The following DLG2 variants were observed in gnomAD, a reference collection of about 807,000 sequenced individuals.
DLG2 encodes disks large homolog 2.
DLG2 carries 45 observed loss-of-function variants against 132.5 expected under a neutral mutation model. The observed-to-expected ratio is 0.34, with a 90% CI of 0.27 to 0.44. DLG2 has a LOEUF of 0.44. Ranked by LOEUF, DLG2 falls within the 20% of genes least tolerant of loss-of-function variation. The pLI, the probability that DLG2 is intolerant of heterozygous loss-of-function variation, is 1.00. For synonymous variants in DLG2, 424 were observed against 419.6 expected, an observed-to-expected ratio of 1.01 and a Z score of -0.13; for missense variants, 1,045 against 1,196.9, an observed-to-expected ratio of 0.87 and a Z score of 1.87.
intron 3 of DLG2, among the ~76,000 whole-genome samples, chr11:85,504,322 C>T (rs2093877008): frequency 6.6e-6 from 1 of 151,994 alleles, no homozygotes; most frequent in African/African-American, 2.4e-5. Flanking sequence ...CCTAGGTTTT[C>T]TTCTAGGGTT....
chr11:83,834,489 C>T (rs1450036871), intron 16 of DLG2, among the ~76,000 whole-genome samples: 1 of 152,016 alleles, frequency 6.6e-6, no homozygotes, highest in Non-Finnish European at 1.5e-5. Flanking sequence ...ATGACTCAGA[C>T]ATTGGAAAAA....
chr11:85,529,759 A>G (rs976536893), intron 3 of DLG2, among the ~76,000 whole-genome samples: 1 of 152,054 alleles, frequency 6.6e-6, no homozygotes, highest in Non-Finnish European at 1.5e-5. Flanking sequence ...CTTTCCTCAA[A>G]CACTTTAGGT....
chr11:83,576,254 G>C (rs2096871999), intron 19 of DLG2, among the ~76,000 whole-genome samples: 1 of 152,072 alleles, frequency 6.6e-6, no homozygotes, highest in Non-Finnish European at 1.5e-5. Context: ...TCTAAAGAAT[G>C]ACAAGAGTAT....
chr11:85,163,386 T>C (rs1007940089), intron 4 of DLG2, among the ~76,000 whole-genome samples: 10 of 152,132 alleles, frequency 6.6e-5, no homozygotes, highest in African/African-American at 2.4e-4. Flanking sequence ...AGAACTCTAA[T>C]TGGCCAGAGA....
chr11:84,443,017 C>T (rs1035912715), intron 7 of DLG2, among the ~76,000 whole-genome samples: 5 of 151,960 alleles, frequency 3.3e-5, no homozygotes, highest in South Asian at 4.2e-4. Context: ...ATTTCTGCAC[C>T]GAAGAAATAC....
chr11:85,222,536 A>AATTCAGAGGG (rs2074714948), intron 4 of DLG2, among the ~76,000 whole-genome samples: 1 of 152,172 alleles, frequency 6.6e-6, no homozygotes, highest in Non-Finnish European at 1.5e-5. Context: ...CCCTCATTGG[A>AATTCAGAGGG]AATTCAGAAC....
intron 6 of DLG2, among the ~76,000 whole-genome samples, chr11:84,671,870 T>C (rs989918733): frequency 2.0e-5 from 3 of 152,102 alleles, no homozygotes; most frequent in African/African-American, 7.2e-5. Context: ...CGAGATTTTT[T>C]GGTTTTGAGG....
intron 7 of DLG2, among the ~76,000 whole-genome samples, chr11:84,426,996 CTAGT>C (rs1247361108): frequency 6.6e-6 from 1 of 152,068 alleles, no homozygotes; most frequent in Non-Finnish European, 1.5e-5. Flanking sequence ...ACAATTCCAA[CTAGT>C]TAAAGAAAGA....
chr11:83,596,601 C>T (rs763437839), intron 19 of DLG2, among the ~76,000 whole-genome samples: 9 of 152,190 alleles, frequency 5.9e-5, no homozygotes, highest in Non-Finnish European at 1.3e-4. Context: ...ATGTCTACAT[C>T]ACTCCTCTGC....
At chr11:85,513,552 G>A (rs918377900) in intron 3 of DLG2, among the ~76,000 whole-genome samples, 2 of 151,776 alleles carry the variant, frequency 1.3e-5, no homozygotes, top group African/African-American at 2.4e-5. Context: ...TTTATGTAAC[G>A]GTAGTATCTT....
At chr11:83,987,899 C>A (rs2154180173) in intron 11 of DLG2, among the ~76,000 whole-genome samples, 1 of 152,100 alleles carries the variant, frequency 6.6e-6, no homozygotes, top group Middle Eastern at 3.4e-3. Flanking sequence ...GATGTTGAGC[C>A]TTTTTTCATA....
At chr11:85,486,096 CA>C (rs1231429979) in intron 3 of DLG2, among the ~76,000 whole-genome samples, 1 of 152,184 alleles carries the variant, frequency 6.6e-6, no homozygotes, top group Non-Finnish European at 1.5e-5. Context: ...GGTAGGCCCA[CA>C]GCTGACATTT....
chr11:85,476,312 A>G (rs2093139889), intron 3 of DLG2, among the ~76,000 whole-genome samples: 1 of 151,584 alleles, frequency 6.6e-6, no homozygotes, highest in African/African-American at 2.4e-5. Context: ...TCAAGTCTGG[A>G]AGTTGCTCTG....
chr11:85,397,560 C>T (rs2087534417), intron 3 of DLG2, among the ~76,000 whole-genome samples: 1 of 151,842 alleles, frequency 6.6e-6, no homozygotes, highest in Non-Finnish European at 1.5e-5. Context: ...CAAAAATAGG[C>T]TCAAAATAAA....
chr11:84,411,437 G>A (rs2098902603), intron 7 of DLG2, among the ~76,000 whole-genome samples: 1 of 152,166 alleles, frequency 6.6e-6, no homozygotes, highest in Non-Finnish European at 1.5e-5. Context: ...CAACATTTAT[G>A]ACAAGTAAAA....
chr11:85,178,300 T>C (rs944452881), intron 4 of DLG2, among the ~76,000 whole-genome samples: 5 of 152,054 alleles, frequency 3.3e-5, no homozygotes, highest in Non-Finnish European at 7.4e-5. Flanking sequence ...CAAAAAAGTA[T>C]GCATGTGTTT....
chr11:85,511,548 C>G (rs1565613102), intron 3 of DLG2, among the ~76,000 whole-genome samples: 1 of 151,736 alleles, frequency 6.6e-6, no homozygotes, highest in Non-Finnish European at 1.5e-5. Flanking sequence ...CTGAACATCC[C>G]ATTACTGCAA....
chr11:84,938,560 T>C (rs969783600), intron 6 of DLG2, among the ~76,000 whole-genome samples: 2 of 152,222 alleles, frequency 1.3e-5, no homozygotes, highest in African/African-American at 4.8e-5. Flanking sequence ...GAAATGTTTC[T>C]TTCTTGTAAA....
chr11:85,176,711 CATCT>C (rs1470782181), intron 4 of DLG2, among the ~76,000 whole-genome samples: 1 of 152,070 alleles, frequency 6.6e-6, no homozygotes. Flanking sequence ...GCAAACTATC[CATCT>C]GACGAAGGTC....
Sources: gnomAD v4.1 joint callset for allele counts (sites outside exome capture counted in the v4.1 genomes callset) on GRCh38, gnomAD v4.1.1 for gene constraint, MANE v1.5 for transcripts, NCBI Gene and HGNC (gene_info 2026-07-23, HGNC 2026-07-21) for gene names.